Variants in INPP4B observed in about 807,000 individuals in gnomAD.
The protein encoded by INPP4B is inositol polyphosphate 4-phosphatase type II.
INPP4B carries 55 observed loss-of-function variants against 122.5 expected under a neutral mutation model. That is an observed-to-expected ratio of 0.45 (90% CI 0.36 to 0.56). The LOEUF is 0.56. INPP4B is among the 20% of genes least tolerant of loss of function. The probability of loss-of-function intolerance (pLI) is 0.00; values close to 1 mark genes in which losing one functional copy is unlikely to be tolerated. For missense variants in INPP4B, 1,000 were observed against 1,097.7 expected (o/e 0.91, Z 1.26); for synonymous variants, 403 against 388.7 (o/e 1.04, Z -0.43).
intron 14 of INPP4B, among the ~76,000 whole-genome samples, chr4:142,201,104 C>CA (rs1488395249): frequency 6.6e-6 from 1 of 152,018 alleles, no homozygotes. Context: ...TTCAGGTCTT[C>CA]AAAAAACTTG....
intron 2 of INPP4B, among the ~76,000 whole-genome samples, chr4:142,632,315 G>A (rs1748147603): frequency 6.6e-6 from 1 of 152,124 alleles, no homozygotes; most frequent in East Asian, 1.9e-4. Flanking sequence ...AGGTCATTAT[G>A]CTAAGTGAAA....
intron 18 of INPP4B, among the ~76,000 whole-genome samples, chr4:142,130,480 G>A (rs532880278): frequency 6.6e-6 from 1 of 152,216 alleles, no homozygotes; most frequent in East Asian, 1.9e-4. Context: ...ATAGGGGTGG[G>A]GATAAAGGAC....
At chr4:142,564,035 C>T (rs1280902323) in intron 2 of INPP4B, among the ~76,000 whole-genome samples, 1 of 152,152 alleles carries the variant, frequency 6.6e-6, no homozygotes, top group African/African-American at 2.4e-5. Context: ...ATTTCAAGAC[C>T]CTAAGTTTAG....
intron 11 of INPP4B, among the ~76,000 whole-genome samples, chr4:142,248,406 T>C (rs890302387): frequency 6.7e-6 from 1 of 150,318 alleles, no homozygotes; most frequent in Non-Finnish European, 1.5e-5. Flanking sequence ...GGCATGATCT[T>C]GGCTCACTGC....
intron 1 of INPP4B, among the ~76,000 whole-genome samples, chr4:142,816,103 A>G (rs1372051119): frequency 6.6e-6 from 1 of 152,148 alleles, no homozygotes; most frequent in African/African-American, 2.4e-5. Context: ...AAAGAAATGC[A>G]TGTCTTCTGC....
intron 11 of INPP4B, among the ~76,000 whole-genome samples, chr4:142,238,449 C>A (rs1028179280): frequency 6.6e-6 from 1 of 152,056 alleles, no homozygotes; most frequent in Admixed American, 6.6e-5. Flanking sequence ...TTCTGAATTT[C>A]TTCTGATCAC....
intron 12 of INPP4B, among the ~76,000 whole-genome samples, chr4:142,222,495 T>A (rs1454020108): frequency 6.6e-6 from 1 of 152,262 alleles, no homozygotes; most frequent in Non-Finnish European, 1.5e-5. Flanking sequence ...TCTACACTTT[T>A]GTCCCATTTT....
chr4:142,717,907 CAAAAAAAAA>C (rs33932611), intron 2 of INPP4B, among the ~76,000 whole-genome samples: 1 of 58,548 alleles, frequency 1.7e-5, no homozygotes, highest in Non-Finnish European at 4.1e-5. Context: ...AAAAAGAAAG[CAAAAAAAAA>C]AAAAAAAAAG....
At chr4:142,531,143 A>G (rs1827562835) in intron 2 of INPP4B, among the ~76,000 whole-genome samples, 1 of 152,064 alleles carries the variant, frequency 6.6e-6, no homozygotes, top group Non-Finnish European at 1.5e-5. Context: ...AGAATTGTCT[A>G]GATTCTGGAT....
At chr4:142,398,441 T>TAAAA (rs1391469150) in intron 7 of INPP4B, among the ~76,000 whole-genome samples, 1 of 69,388 alleles carries the variant, frequency 1.4e-5, no homozygotes, top group African/African-American at 7.0e-5. Context: ...TATATATATA[T>TAAAA]ATATAAAACA....
intron 25 of INPP4B, among the ~76,000 whole-genome samples, chr4:142,078,782 T>A (rs1308002999): frequency 6.6e-6 from 1 of 152,038 alleles, no homozygotes; most frequent in Non-Finnish European, 1.5e-5. Flanking sequence ...TATTTTTCCC[T>A]TGAGTTTTTA....
At chr4:142,721,803 A>C (rs1437172009) in intron 2 of INPP4B, among the ~76,000 whole-genome samples, 1 of 152,192 alleles carries the variant, frequency 6.6e-6, no homozygotes, top group Non-Finnish European at 1.5e-5. Flanking sequence ...CCTGGGTGAC[A>C]GAGAGAGACT....
At chr4:142,055,828 A>G (rs1015433149) in intron 25 of INPP4B, among the ~76,000 whole-genome samples, 30 of 151,880 alleles carry the variant, frequency 2.0e-4, no homozygotes, top group African/African-American at 7.0e-4. Flanking sequence ...GGTGGGGGCG[A>G]TGGTTTAGGG....
intron 1 of INPP4B, among the ~76,000 whole-genome samples, chr4:142,776,451 T>C (rs1773934121): frequency 6.6e-6 from 1 of 152,072 alleles, no homozygotes; most frequent in South Asian, 2.1e-4. Context: ...GAGGATATAG[T>C]GGGAAGCAGA....
At chr4:142,211,419 T>G (rs1475021282) in intron 12 of INPP4B, among the ~76,000 whole-genome samples, 1 of 152,060 alleles carries the variant, frequency 6.6e-6, no homozygotes, top group African/African-American at 2.4e-5. Context: ...CACTCAATGG[T>G]CAAAAAACCT....
intron 7 of INPP4B, among the ~76,000 whole-genome samples, chr4:142,328,219 GAA>G (rs1267726897): frequency 6.6e-6 from 1 of 151,764 alleles, no homozygotes; most frequent in East Asian, 1.9e-4. Context: ...CGTTTCAACA[GAA>G]AAAAAAGTAT....
In INPP4B at chr4:142,188,509, A is replaced by T. The variant is rs1462275240; in HGVS notation, c.1181+4578T>A. On this transcript the variant is annotated intron_variant, in intron 15 of 25. Transcript: ENST00000262992. ...CTCAAAAAAAAAAAAAAAAAAAAAA[A>T]AGAAAAAAAATATATATAGCTTGAC... Among the ~76,000 whole-genome samples the T allele has an allele frequency of 2.5e-3, 185 of 75,068 alleles. 3 individuals carry two copies. The highest frequency in any genetic ancestry group is 6.7e-3 in the South Asian group (14 of 2,098). The allele number at this position is 75,068 out of a possible 152,430, so 49.2% of individuals were successfully genotyped here.
At position 142,405,344 on chromosome 4, in the gene INPP4B, C is replaced by A; in HGVS notation, c.137-20G>T. ...TGCATGCTGGCAACGGCAGAGGAGA[C>A]AGAAAGAAAAGAAACTAACACCATA... On this transcript the variant is annotated intron_variant, in intron 5 of 25. Transcript: ENST00000262992. 6.9e-7 allele frequency: 1 copy of A among 1,455,378 alleles called. No individual in the cohort carries two copies. The highest frequency in any genetic ancestry group is 1.4e-5 in the African/African-American group (1 of 71,914). 90.2% of individuals were successfully genotyped at this position (1,455,378 alleles called of 1,614,324 possible).
intron 7 of INPP4B, among the ~76,000 whole-genome samples, chr4:142,329,626 C>G (rs1358396276): frequency 6.6e-6 from 1 of 152,058 alleles, no homozygotes. Flanking sequence ...CTACTTTTTC[C>G]TAGAGTCAGG....
Sources: allele counts gnomAD v4.1 joint callset (sites outside exome capture counted in the v4.1 genomes callset), GRCh38; gene constraint gnomAD v4.1.1; transcripts MANE v1.5; gene names NCBI Gene and HGNC (gene_info 2026-07-23, HGNC 2026-07-21).